Variants in DTNBP1 observed in about 807,000 individuals in gnomAD.
DTNBP1 encodes the protein dystrobrevin binding protein 1, also known as dysbindin.
In DTNBP1, 35 loss-of-function variants were observed where a neutral mutation model predicts 42.8. The ratio of observed to expected loss-of-function variants is 0.82; its 90% CI spans 0.63 to 1.09. DTNBP1 has a LOEUF of 1.09. Ranked by LOEUF, DTNBP1 falls within the 50% of genes least tolerant of loss-of-function variation. The pLI, the probability that DTNBP1 is intolerant of heterozygous loss-of-function variation, is 0.00. For missense variants in DTNBP1, 457 were observed against 424.2 expected, an observed-to-expected ratio of 1.08 and a Z score of -0.68; for synonymous variants, 171 against 162.2, an observed-to-expected ratio of 1.05 and a Z score of -0.41.
At chr6:15,592,937 T>G in intron 7 of DTNBP1, 122 bp downstream of exon 7, 1 of 1,025,816 alleles carries the variant, frequency 9.7e-7, no homozygotes, top group Admixed American at 2.8e-5. Context: ...AAAAACAGTA[T>G]TAAGTTTTAC....
intron 8 of DTNBP1, among the ~76,000 whole-genome samples, chr6:15,524,935 A>G (rs1454948928): frequency 1.3e-5 from 2 of 152,234 alleles, no homozygotes; most frequent in East Asian, 3.8e-4. Flanking sequence ...TCTCTGCATT[A>G]AGTGAGTCCC....
At chr6:15,641,301 T>G (rs981978743) in intron 3 of DTNBP1, among the ~76,000 whole-genome samples, 3 of 152,168 alleles carry the variant, frequency 2.0e-5, no homozygotes, top group Admixed American at 2.0e-4. Context: ...TCAAAGTTAC[T>G]GGTGAGTGGA....
intron 3 of DTNBP1, among the ~76,000 whole-genome samples, chr6:15,645,709 C>T (rs1760641357): frequency 1.3e-5 from 2 of 151,994 alleles, no homozygotes; most frequent in Non-Finnish European, 1.5e-5. Context: ...TCAAAAGACA[C>T]AGAAAAGGCA....
At chr6:15,525,964 A>G (rs914849316) in intron 8 of DTNBP1, among the ~76,000 whole-genome samples, 3 of 152,242 alleles carry the variant, frequency 2.0e-5, no homozygotes, top group African/African-American at 7.2e-5. Flanking sequence ...AAGTTGAAGA[A>G]CATCAAAAGA....
chr6:15,636,951 G>T (rs1222652955), intron 4 of DTNBP1, among the ~76,000 whole-genome samples: 2 of 152,028 alleles, frequency 1.3e-5, no homozygotes, highest in Non-Finnish European at 2.9e-5. Context: ...TAGCTGTAGG[G>T]CTTTTCAAAG....
At position 15,644,805 on chromosome 6, in the gene DTNBP1, G is replaced by A. The variant is rs1352124763; in HGVS notation, c.161+6508C>T. Among the ~76,000 whole-genome samples, 3 of 151,964 alleles carry A rather than the reference G, an allele frequency of 2.0e-5. No individual in the cohort carries two copies. The East Asian group carries it at 5.8e-4, about 29-fold the overall frequency. On this transcript the variant is annotated intron_variant, in intron 3 of 9. Transcript: ENST00000344537. The stretch of plus-strand genomic sequence containing the variant: ...AGCAGTATTAAGAAGAAAATTTACA[G>A]TGCTCCATGACTACACCAAAACACA...
intron 7 of DTNBP1, among the ~76,000 whole-genome samples, chr6:15,592,569 T>A (rs1776343064): frequency 6.6e-6 from 1 of 152,208 alleles, no homozygotes; most frequent in South Asian, 2.1e-4. Flanking sequence ...ATATATTTCA[T>A]CTGAGCCTCT....
intron 7 of DTNBP1, 118 bp downstream of exon 7, chr6:15,592,937 TTAAG>T (rs764619234): frequency 9.7e-7 from 1 of 1,025,814 alleles, no homozygotes; most frequent in Non-Finnish European, 1.4e-6. Context: ...AAAAACAGTA[TTAAG>T]TTTTACTGTT....
intron 7 of DTNBP1, among the ~76,000 whole-genome samples, chr6:15,534,479 G>A (rs113859670): frequency 0.019 from 2,920 of 151,998 alleles, 98 homozygotes; most frequent in African/African-American, 0.066. Flanking sequence ...TGGTAAAACC[G>A]TAAAACCCCA....
chr6:15,627,671 A>G (rs1397019264), intron 4 of DTNBP1, among the ~76,000 whole-genome samples, 196 bp from the exon 5 acceptor site: 7 of 152,152 alleles, frequency 4.6e-5, no homozygotes. Flanking sequence ...GAAACCTCCA[A>G]TTACTGCTTG....
Position 15,595,063 on chromosome 6 carries a change from G to C in DTNBP1, c.489-1982C>G, listed in dbSNP as rs149395885. Reference sequence around the variant, plus strand: ...CTGTCTGCTGCTGTGAAGAGGACAAGCCCAGCATCTTCTGGGCATCCTCTG... The same window carrying C: ...CTGTCTGCTGCTGTGAAGAGGACAACCCCAGCATCTTCTGGGCATCCTCTG... On this transcript the variant is annotated intron_variant, in intron 6 of 9. Coordinates refer to ENST00000344537, the MANE Select transcript of DTNBP1 (RefSeq NM_032122.5). 8.4e-4 allele frequency: 382 copies of C among 455,538 alleles called. 3 individuals carry two copies. Among genetic ancestry groups the C allele is most frequent in the African/African-American group, 6.4e-3 (322 of 50,098 alleles). The allele number at this position is 455,538 out of a possible 1,614,324, so 28.2% of individuals were successfully genotyped here.
chr6:15,567,145 C>G (rs1775129541), intron 7 of DTNBP1, among the ~76,000 whole-genome samples: 1 of 152,084 alleles, frequency 6.6e-6, no homozygotes, highest in African/African-American at 2.4e-5. Flanking sequence ...GAGTCTTCAT[C>G]TAAACACTAA....
At chr6:15,641,254 T>C (rs575370821) in intron 3 of DTNBP1, among the ~76,000 whole-genome samples, 3 of 152,304 alleles carry the variant, frequency 2.0e-5, no homozygotes, top group South Asian at 2.1e-4. Context: ...GATGGCTTAC[T>C]AGGAATATCA....
chr6:15,579,023 C>T (rs563333074), intron 7 of DTNBP1, among the ~76,000 whole-genome samples: 1 of 152,276 alleles, frequency 6.6e-6, no homozygotes, highest in African/African-American at 2.4e-5. Context: ...AGAATTACCA[C>T]GATTCAGCAA....
intron 3 of DTNBP1, 33 bp downstream of exon 3, chr6:15,651,280 A>G: frequency 6.3e-7 from 1 of 1,598,894 alleles, no homozygotes; most frequent in Non-Finnish European, 8.6e-7. Context: ...AAAAGTCAGA[A>G]GTATAACCTT....
intron 8 of DTNBP1, among the ~76,000 whole-genome samples, chr6:15,528,451 G>T (rs528428163): frequency 6.6e-6 from 1 of 152,130 alleles, no homozygotes; most frequent in Non-Finnish European, 1.5e-5. Context: ...GGGCAAAAGT[G>T]TCCCCAGCTG....
chr6:15,652,637 T>C (rs533812088), intron 1 of DTNBP1, among the ~76,000 whole-genome samples: 3 of 151,622 alleles, frequency 2.0e-5, no homozygotes, highest in African/African-American at 7.3e-5. Flanking sequence ...CTGTAGCAAA[T>C]TTTTTTTTAA....
At chr6:15,597,214 T>C (rs1776548870) in intron 6 of DTNBP1, among the ~76,000 whole-genome samples, 1 of 152,108 alleles carries the variant, frequency 6.6e-6, no homozygotes, top group African/African-American at 2.4e-5. Flanking sequence ...ATGTCATAGA[T>C]TATAGTGCTT....
intron 7 of DTNBP1, among the ~76,000 whole-genome samples, chr6:15,560,694 T>C (rs571522114): frequency 1.3e-4 from 20 of 152,306 alleles, no homozygotes; most frequent in African/African-American, 4.8e-4. Context: ...AGTCCCTGCA[T>C]AGGGTTCTTG....
Sources: allele counts gnomAD v4.1 joint callset (sites outside exome capture counted in the v4.1 genomes callset), GRCh38; gene constraint gnomAD v4.1.1; transcripts MANE v1.5; gene names NCBI Gene and HGNC (gene_info 2026-07-23, HGNC 2026-07-21).